Variants in CD38 observed in about 807,000 individuals in gnomAD.
CD38 encodes the protein CD38 molecule, also known as ADP-ribosyl cyclase/cyclic ADP-ribose hydrolase 1.
CD38 carries 31 observed loss-of-function variants against 36.3 expected under a neutral mutation model. The ratio of observed to expected loss-of-function variants is 0.85; its 90% confidence interval spans 0.64 to 1.15. The LOEUF is 1.15. Ranked by LOEUF, CD38 falls within the 50% of genes most tolerant of loss-of-function variation. The pLI, the probability that CD38 is intolerant of heterozygous loss-of-function variation, is 0.00. For synonymous variants in CD38, 131 were observed against 135.2 expected (o/e 0.97, Z 0.22); for missense variants, 380 against 371.9 (o/e 1.02, Z -0.18).
At chr4:15,791,668 G>A (rs1398950899) in intron 1 of CD38, among the ~76,000 whole-genome samples, 2 of 98,362 alleles carry the variant, frequency 2.0e-5, no homozygotes, top group Admixed American at 8.0e-5. Flanking sequence ...CCGTCCGGGA[G>A]GGAGGTGGGG....
At chr4:15,809,629 C>T (rs1421071719) in intron 1 of CD38, among the ~76,000 whole-genome samples, 1 of 152,126 alleles carries the variant, frequency 6.6e-6, no homozygotes, top group Non-Finnish European at 1.5e-5. Flanking sequence ...AACAGCACTT[C>T]TGGTTTAGGA....
chr4:15,789,931 T>C (rs1722921244), intron 1 of CD38, among the ~76,000 whole-genome samples: 1 of 152,158 alleles, frequency 6.6e-6, no homozygotes, highest in African/African-American at 2.4e-5. Flanking sequence ...ATTACCCAGC[T>C]TCAGGTATTC....
chr4:15,778,725 G>T lies in CD38; in HGVS notation c.233+78G>T, dbSNP rs748019500. 107 of 1,035,332 alleles carry T rather than the reference G, an allele frequency of 1.0e-4. 1 individual carries two copies. Among genetic ancestry groups the T allele is most frequent in the South Asian group, 6.1e-4 (43 of 70,868 alleles). 64.1% of individuals were successfully genotyped at this position (1,035,332 alleles called of 1,614,324 possible). ...CGCGCGCAGGGAAGCCGCCCGGATC[G>T]CCCGGAACCGGGCATCTTCCGTGGC... is the stretch of plus-strand genomic sequence containing the variant. On this transcript the variant is annotated intron_variant, in intron 1 of 7. Transcript: ENST00000226279. This position sits in a 1 kb window ranked among gnomAD's most constrained non-coding sequence, Gnocchi z 4.9.
At position 15,840,517 on chromosome 4, in the gene CD38, T is replaced by A. The variant is rs1193314628; in HGVS notation, c.818T>A (p.Phe273Tyr). 1 of 1,592,178 alleles carries A rather than the reference T, an allele frequency of 6.3e-7. No individual in the cohort carries two copies. Among genetic ancestry groups the A allele is most frequent in the Non-Finnish European group, 8.6e-7 (1 of 1,160,602 alleles). The change falls in exon 7 of 8, where the codon TTT becomes TAT. Residue 273 changes from phenylalanine to tyrosine, a missense_variant. Physicochemically the swap from Phe to Tyr is conservative, Grantham distance 22. Coordinates refer to ENST00000226279, the MANE Select transcript of CD38 (RefSeq NM_001775.4). ...ATTATAAGCAAAAGGAATATTCAAT[T>A]TTCCTGCAAGAATATCTACAGGTAA... ...ESIISKRNIQ[F>Y]SCKNIYRPDK...
intron 4 of CD38, among the ~76,000 whole-genome samples, chr4:15,836,360 A>G (rs1319016821): frequency 6.6e-6 from 1 of 152,202 alleles, no homozygotes; most frequent in Non-Finnish European, 1.5e-5. Context: ...TGTTAATCCC[A>G]TTCATGAGGG....
At chr4:15,782,455 T>TA (rs1166138018) in intron 1 of CD38, among the ~76,000 whole-genome samples, 2 of 152,234 alleles carry the variant, frequency 1.3e-5, no homozygotes, top group African/African-American at 4.8e-5. Flanking sequence ...TTTAAGATGA[T>TA]AAAAATCTAA....
chr4:15,790,867 A>C, intron 1 of CD38, among the ~76,000 whole-genome samples: 5 of 129,080 alleles, frequency 3.9e-5, no homozygotes, highest in African/African-American at 1.0e-4. Flanking sequence ...GCTGGGCCGC[A>C]ACCCTGTCTG....
At chr4:15,794,820 A>G (rs1723075013) in intron 1 of CD38, among the ~76,000 whole-genome samples, 1 of 152,218 alleles carries the variant, frequency 6.6e-6, no homozygotes, top group South Asian at 2.1e-4. Context: ...TTTGTGCACA[A>G]TTTCATTACA....
chr4:15,785,960 T>G (rs898797194), intron 1 of CD38, among the ~76,000 whole-genome samples: 6 of 152,194 alleles, frequency 3.9e-5, no homozygotes, highest in Non-Finnish European at 8.8e-5. Context: ...CTGCAGACCT[T>G]CACGGTGAGT....
chr4:15,792,649 G>A (rs780609822), intron 1 of CD38, among the ~76,000 whole-genome samples: 1 of 151,578 alleles, frequency 6.6e-6, no homozygotes, highest in Non-Finnish European at 1.5e-5. Flanking sequence ...TAAAAAAAAA[G>A]TGTACTTTAA....
At chr4:15,837,993 C>A in intron 4 of CD38, 99 bp from the exon 5 acceptor site, 1 of 931,128 alleles carries the variant, frequency 1.1e-6, no homozygotes, top group Non-Finnish European at 1.7e-6. Context: ...ATGGGATATC[C>A]TTCCTTAACC....
intron 1 of CD38, among the ~76,000 whole-genome samples, chr4:15,787,049 G>A (rs1296244971): frequency 1.3e-5 from 2 of 152,226 alleles, no homozygotes; most frequent in Non-Finnish European, 2.9e-5. Flanking sequence ...GGGAGCCCAC[G>A]CCCACCTGGA....
At chr4:15,837,889 A>G (rs1382270097) in intron 4 of CD38, among the ~76,000 whole-genome samples, 1 of 152,212 alleles carries the variant, frequency 6.6e-6, no homozygotes, top group Non-Finnish European at 1.5e-5. Flanking sequence ...TAGAGATTGG[A>G]GCAACTGCTT....
chr4:15,780,990 C>A (rs962648801), intron 1 of CD38, among the ~76,000 whole-genome samples: 1 of 152,132 alleles, frequency 6.6e-6, no homozygotes, highest in Non-Finnish European at 1.5e-5. Flanking sequence ...TGCCTGTAAT[C>A]CCAGCTACTC....
chr4:15,809,184 T>C (rs1161165442), intron 1 of CD38, among the ~76,000 whole-genome samples: 1 of 152,220 alleles, frequency 6.6e-6, no homozygotes, highest in Non-Finnish European at 1.5e-5. Context: ...AGTACAATGA[T>C]TAGTCATTGC....
chr4:15,825,207 G>A, intron 3 of CD38, 191 bp downstream of exon 3: 3 of 560,746 alleles, frequency 5.4e-6, no homozygotes, highest in Non-Finnish European at 9.2e-6. Context: ...ATAAAGAAAA[G>A]AGGTTTATTT....
At chr4:15,815,849 G>A (rs191621566) in intron 1 of CD38, among the ~76,000 whole-genome samples, 6 of 152,170 alleles carry the variant, frequency 3.9e-5, no homozygotes, top group Admixed American at 2.0e-4. Flanking sequence ...GCCACTTTTC[G>A]ATAGGAATGC....
intron 3 of CD38, among the ~76,000 whole-genome samples, chr4:15,828,267 C>A (rs1347733598): frequency 6.6e-6 from 1 of 152,158 alleles, no homozygotes; most frequent in Non-Finnish European, 1.5e-5. Flanking sequence ...CTACCCTCTT[C>A]AGCCTCCCAA....
chr4:15,778,440 T>G lies in CD38; in HGVS notation c.26T>G (p.Val9Gly), dbSNP rs1722603426. MANCEFSP[V>G]SGDKPCCRLS... ...ATGGCCAACTGCGAGTTCAGCCCGGTGTCCGGGGACAAACCCTGCTGCCGG... is the reference window on the plus strand; with the variant it reads ...ATGGCCAACTGCGAGTTCAGCCCGGGGTCCGGGGACAAACCCTGCTGCCGG... Residue 9 changes from valine (V) to glycine (G), a missense_variant, in exon 1 of 8, where the codon GTG becomes GGG. By Grantham distance (109) the Val-to-Gly change is moderately radical. Coordinates refer to ENST00000226279, the MANE Select transcript of CD38 (RefSeq NM_001775.4). This position sits in a 1 kb window ranked among gnomAD's most constrained non-coding sequence, Gnocchi z 4.9. 3 of 1,613,978 alleles carry G rather than the reference T, an allele frequency of 1.9e-6. No homozygotes were observed. The highest frequency in any genetic ancestry group is 2.5e-6 in the Non-Finnish European group (3 of 1,179,988).
Sources: allele counts gnomAD v4.1 joint callset (sites outside exome capture counted in the v4.1 genomes callset), GRCh38; gene constraint gnomAD v4.1.1; non-coding constraint Gnocchi (gnomAD v3.1); transcripts MANE v1.5; gene names NCBI Gene and HGNC (gene_info 2026-07-23, HGNC 2026-07-21).